The following SKI variants were observed in gnomAD, a reference collection of about 807,000 sequenced individuals.
The protein encoded by SKI is ski oncogene.
SKI carries 23 observed loss-of-function variants against 59.3 expected under a neutral mutation model. The observed-to-expected ratio is 0.39, with a 90% confidence interval of 0.28 to 0.55. The LOEUF (loss-of-function observed/expected upper bound fraction) is 0.55. Among genes scored for constraint, SKI ranks in the 20% least tolerant of loss-of-function variants. The pLI is 0.67. For missense variants in SKI, 1,017 were observed against 1,038.9 expected (o/e 0.98, Z 0.29); for synonymous variants, 673 against 488.6 (o/e 1.38, Z -4.98).
rs570282472 is a variant in SKI, at chr1:2,290,159, T to TA, written c.970-12817dup. Among the ~76,000 whole-genome samples the TA allele has an allele frequency of 3.0e-3, 462 of 152,110 alleles. 2 individuals are homozygous for TA. The highest frequency in any genetic ancestry group is 0.011 in the African/African-American group (447 of 41,494). On this transcript the variant is annotated intron_variant, in intron 1 of 6. Coordinates refer to ENST00000378536, the MANE Select transcript of SKI (RefSeq NM_003036.4). ...TTGTAAGGGGTGGAGTCCTTGGTCT[T>TA]AAGAGATCAGGCAGGGCAGCCCTGG...
intron 1 of SKI, among the ~76,000 whole-genome samples, chr1:2,252,822 C>T (rs1262768784): frequency 6.6e-6 from 1 of 152,078 alleles, no homozygotes; most frequent in Non-Finnish European, 1.5e-5. Context: ...AGGCCAGGCG[C>T]GGTATCTCGT....
In SKI at chr1:2,306,038, G is replaced by T. The variant is rs774196267; in HGVS notation, c.1786G>T (p.Val596Leu). The T allele has an allele frequency of 6.3e-7, 1 of 1,589,864 alleles. No individual in the cohort carries two copies. The highest frequency in any genetic ancestry group is 8.5e-7 in the Non-Finnish European group (1 of 1,170,022). ...SLHQELEFLR[V>L]AKKEKLREAT... is the part of the protein sequence containing the mutation. ...CCCCCAGGAGCTGGAGTTCCTACGCGTGGCCAAGAAGGAGAAGCTGCGGGA... is the reference window on the plus strand; with the variant it reads ...CCCCCAGGAGCTGGAGTTCCTACGCTTGGCCAAGAAGGAGAAGCTGCGGGA... Residue 596 changes from valine (V) to leucine (L), a missense_variant, in exon 6 of 7, where the codon GTG becomes TTG. By Grantham distance (32) the Val-to-Leu change is conservative. Coordinates refer to ENST00000378536, the MANE Select transcript of SKI (RefSeq NM_003036.4).
chr1:2,267,059 C>T lies in SKI; in HGVS notation c.970-35919C>T, dbSNP rs1639515089. Reference sequence around the variant, plus strand: ...TGTTTTCCTTCTGCAATAATTTTGGCTACATTAAATTCGTTTTGTTAACAT... The same window carrying T: ...TGTTTTCCTTCTGCAATAATTTTGGTTACATTAAATTCGTTTTGTTAACAT... On this transcript the variant is annotated intron_variant, in intron 1 of 6. Transcript: ENST00000378536. This position sits in a 1 kb window ranked among gnomAD's most constrained non-coding sequence, Gnocchi z 4.1. Among the ~76,000 whole-genome samples the T allele has an allele frequency of 6.6e-6, 1 of 152,126 alleles. No individual in the cohort carries two copies. Among genetic ancestry groups the T allele is most frequent in the African/African-American group, 2.4e-5 (1 of 41,404 alleles).
chr1:2,282,771 G>A (rs1025651925), intron 1 of SKI, among the ~76,000 whole-genome samples: 48 of 152,282 alleles, frequency 3.2e-4, no homozygotes, highest in South Asian at 6.2e-4. Context: ...CAGGGACACC[G>A]GCTCTCGGGG....
chr1:2,289,984 C>T (rs1440920640), intron 1 of SKI, among the ~76,000 whole-genome samples: 1 of 152,164 alleles, frequency 6.6e-6, no homozygotes, highest in Non-Finnish European at 1.5e-5. Flanking sequence ...CTCCACAGCC[C>T]CCTCCTTGGA....
Position 2,289,312 on chromosome 1 carries a change from C to T in SKI, c.970-13666C>T, listed in dbSNP as rs552501372. 4.6e-5 allele frequency among the ~76,000 whole-genome samples: 7 copies of T among 152,302 alleles called. No homozygotes were observed. The East Asian group carries it at 1.4e-3, about 29-fold the overall frequency. The stretch of plus-strand genomic sequence containing the variant: ...TGGCCATGGCTGTTTGTCTTCATCC[C>T]TCTTCGGTGAGGGTGGCAGGCGGCC... On this transcript the variant is annotated intron_variant, in intron 1 of 6. Transcript: ENST00000378536.
chr1:2,241,271 C>G (rs1638863623), intron 1 of SKI, among the ~76,000 whole-genome samples: 1 of 152,212 alleles, frequency 6.6e-6, no homozygotes, highest in African/African-American at 2.4e-5. Context: ...TGGAAAATTT[C>G]CAGCTTTCAC....
intron 1 of SKI, among the ~76,000 whole-genome samples, chr1:2,231,911 G>A (rs1228880122): frequency 1.3e-5 from 2 of 152,250 alleles, no homozygotes. Context: ...TTTAGGCTCT[G>A]TGACTGTGCA....
At chr1:2,284,539 G>A (rs72927851) in intron 1 of SKI, among the ~76,000 whole-genome samples, 18 of 152,218 alleles carry the variant, frequency 1.2e-4, no homozygotes, top group African/African-American at 1.9e-4. Flanking sequence ...AGGTGCCTGG[G>A]GGGGCAGGGA....
Position 2,229,047 on chromosome 1 carries a change from C to G in SKI, c.281C>G (p.Ser94Cys), listed in dbSNP as rs376575233. ...CTGCCCGGGCCCTTCTTCATGCCGT[C>G]CGACCGCTCCACCGAGCGCTGCGAG... is the stretch of plus-strand genomic sequence containing the variant. ...PVLPGPFFMPSDRSTERCETV... is the reference protein window; with the variant it reads ...PVLPGPFFMPCDRSTERCETV... Residue 94 changes from serine to cysteine, a missense_variant, in exon 1 of 7, where the codon TCC (serine) becomes TGC (cysteine). Coordinates refer to ENST00000378536, the MANE Select transcript of SKI (RefSeq NM_003036.4). The surrounding 1 kb of genome is among the most constrained non-coding windows in gnomAD (Gnocchi z 6.3). 1.2e-6 allele frequency: 2 copies of G among 1,604,046 alleles called. No individual in the cohort carries two copies. The highest frequency in any genetic ancestry group is 1.3e-5 in the African/African-American group (1 of 74,856).
intron 1 of SKI, among the ~76,000 whole-genome samples, chr1:2,259,549 C>T (rs1303293450): frequency 6.6e-5 from 10 of 152,128 alleles, no homozygotes; most frequent in Admixed American, 4.6e-4. Flanking sequence ...TTTTTTAAAA[C>T]GGCTTTTTGA....
At chr1:2,279,278 G>C (rs1204015116) in intron 1 of SKI, among the ~76,000 whole-genome samples, 1 of 152,242 alleles carries the variant, frequency 6.6e-6, no homozygotes, top group African/African-American at 2.4e-5. Context: ...GAGGCAGGCT[G>C]AGGGGTGGAA....
chr1:2,301,820 G>C (rs1640432381), intron 1 of SKI, among the ~76,000 whole-genome samples: 1 of 152,262 alleles, frequency 6.6e-6, no homozygotes, highest in African/African-American at 2.4e-5. Flanking sequence ...TCGGCAGAGT[G>C]AGTGGGACCT....
rs371497152 is a variant in SKI, at chr1:2,229,147, C to T, written c.381C>T (p.Leu127=). Residue 127 remains leucine (L), a synonymous_variant, in exon 1 of 7, where the codon CTC becomes CTT. Coordinates refer to ENST00000378536, the MANE Select transcript of SKI (RefSeq NM_003036.4). This position sits in a 1 kb window ranked among gnomAD's most constrained non-coding sequence, Gnocchi z 6.3. The stretch of plus-strand genomic sequence containing the variant: ...AGCGCCTGTGTCTGCCGCAGATTCT[C>T]AACTCGGTGCTGCGCGACTTCTCGC... ...GEKRLCLPQI[L]NSVLRDFSLQ... The T allele has an allele frequency of 1.2e-5, 20 of 1,611,724 alleles. No homozygotes were observed. The highest frequency in any genetic ancestry group is 1.6e-5 in the Non-Finnish European group (19 of 1,179,868).
Position 2,306,225 on chromosome 1 carries a change from G to C in SKI, c.1973G>C (p.Arg658Pro). 6.4e-7 allele frequency: 1 copy of C among 1,560,320 alleles called. No individual in the cohort carries two copies. The highest frequency in any genetic ancestry group is 8.7e-7 in the Non-Finnish European group (1 of 1,153,318). The stretch of plus-strand genomic sequence containing the variant: ...TGCGACAAGGGCTGCGAGGCGGGCC[G>C]CCTGCGCGCCAAGTACTCGGCCCAG... The part of the protein sequence containing the change: ...RVCDKGCEAG[R>P]LRAKYSAQIE... The change falls in exon 6 of 7, where the codon CGC becomes CCC. Residue 658 changes from arginine to proline, a missense_variant. Coordinates refer to ENST00000378536, the MANE Select transcript of SKI (RefSeq NM_003036.4).
rs190492693 is a variant in SKI at position 2,270,303 on chromosome 1, G to C, written c.970-32675G>C. Reference sequence around the variant, plus strand: ...TCCCTGCGGGCCTGGCATGGGAGTAGGGGCTGAGAGATGCTGGTGACACCA... The same window carrying C: ...TCCCTGCGGGCCTGGCATGGGAGTACGGGCTGAGAGATGCTGGTGACACCA... On this transcript the variant is annotated intron_variant, in intron 1 of 6. Coordinates refer to ENST00000378536, the MANE Select transcript of SKI (RefSeq NM_003036.4). The surrounding 1 kb of genome is among the most constrained non-coding windows in gnomAD (Gnocchi z 4.1). 6.6e-3 allele frequency among the ~76,000 whole-genome samples: 1,006 copies of C among 152,320 alleles called. 10 individuals are homozygous for C. The highest frequency in any genetic ancestry group is 0.023 in the African/African-American group (970 of 41,568).
At chr1:2,249,383 A>G (rs1569718667) in intron 1 of SKI, among the ~76,000 whole-genome samples, 1 of 152,330 alleles carries the variant, frequency 6.6e-6, no homozygotes, top group African/African-American at 2.4e-5. Context: ...GTTCCCTGGC[A>G]ATGGGAGACA....
chr1:2,239,446 C>T (rs1357117816), intron 1 of SKI, among the ~76,000 whole-genome samples: 2 of 152,210 alleles, frequency 1.3e-5, no homozygotes, highest in African/African-American at 2.4e-5. Context: ...TGGGGACCTG[C>T]CTCGTGCGTG....
chr1:2,231,309 G>C (rs1294380406), intron 1 of SKI, among the ~76,000 whole-genome samples: 3 of 152,190 alleles, frequency 2.0e-5, no homozygotes, highest in Non-Finnish European at 2.9e-5. Context: ...TCACGTCACT[G>C]TCTTCAGAGC....
Sources: allele counts gnomAD v4.1 joint callset (sites outside exome capture counted in the v4.1 genomes callset), GRCh38; gene constraint gnomAD v4.1.1; non-coding constraint Gnocchi (gnomAD v3.1); transcripts MANE v1.5; gene names NCBI Gene and HGNC (gene_info 2026-07-23, HGNC 2026-07-21).